The following CACNG2 variants were observed in gnomAD, a reference collection of about 807,000 sequenced individuals.
CACNG2 encodes the protein calcium voltage-gated channel auxiliary subunit gamma 2.
A neutral mutation model predicts 25.9 loss-of-function variants in CACNG2; 3 were observed. That is an observed-to-expected ratio of 0.12 (90% CI 0.05 to 0.30). The LOEUF (loss-of-function observed/expected upper bound fraction) is 0.30. Ranked by LOEUF, CACNG2 falls within the 10% of genes least tolerant of loss-of-function variation. The probability of loss-of-function intolerance (pLI) is 1.00; values close to 1 mark genes in which losing one functional copy is unlikely to be tolerated. For missense variants in CACNG2, 341 were observed against 432.5 expected, an observed-to-expected ratio of 0.79 and a Z score of 1.88; for synonymous variants, 167 against 173.3, an observed-to-expected ratio of 0.96 and a Z score of 0.29.
At chr22:36,638,601 G>A (rs1936395127) in intron 1 of CACNG2, among the ~76,000 whole-genome samples, 1 of 152,026 alleles carries the variant, frequency 6.6e-6, no homozygotes, top group Non-Finnish European at 1.5e-5. Context: ...AGAGTTCTTG[G>A]CCCCCTCTGT....
At position 36,636,080 on chromosome 22, in the gene CACNG2, G is replaced by A. The variant is rs118145942; in HGVS notation, c.212-48532C>T. On this transcript the variant is annotated intron_variant, in intron 1 of 3. Coordinates refer to ENST00000300105, the MANE Select transcript of CACNG2 (RefSeq NM_006078.5). ...CAAATCTGATCATTTCACTCCTGCC[G>A]TTTCTCACCCTCAAAACTCTTCAAT... Among the ~76,000 whole-genome samples the A allele has an allele frequency of 5.5e-3, 837 of 152,076 alleles. 13 individuals are homozygous for A. The highest frequency in any genetic ancestry group is 8.0e-3 in the Non-Finnish European group (545 of 68,018).
chr22:36,681,903 T>A (rs1190839928), intron 1 of CACNG2, among the ~76,000 whole-genome samples: 1 of 152,096 alleles, frequency 6.6e-6, no homozygotes, highest in African/African-American at 2.4e-5. Flanking sequence ...TGTAGATAAT[T>A]ACTCCCCCCA....
intron 1 of CACNG2, among the ~76,000 whole-genome samples, chr22:36,665,702 A>AAAAC (rs1353263667): frequency 6.6e-6 from 1 of 152,240 alleles, no homozygotes; most frequent in Non-Finnish European, 1.5e-5. Context: ...GGTAACTATC[A>AAAAC]AAGCAAACAA....
At chr22:36,699,194 C>T (rs1937378514) in intron 1 of CACNG2, among the ~76,000 whole-genome samples, 1 of 151,770 alleles carries the variant, frequency 6.6e-6, no homozygotes, top group Admixed American at 6.6e-5. Context: ...ACCCACGCTC[C>T]TCGAATCCCC....
intron 1 of CACNG2, among the ~76,000 whole-genome samples, chr22:36,589,825 GC>G (rs1025905504): frequency 1.3e-5 from 2 of 152,004 alleles, no homozygotes; most frequent in African/African-American, 4.8e-5. Context: ...ATCCAACCAT[GC>G]ACCCTTCTCT....
At chr22:36,684,794 G>A (rs1175731194) in intron 1 of CACNG2, among the ~76,000 whole-genome samples, 1 of 152,124 alleles carries the variant, frequency 6.6e-6, no homozygotes, top group East Asian at 1.9e-4. Flanking sequence ...TTTTGTGTGT[G>A]CATGTGGTGG....
At chr22:36,608,360 G>A (rs1172866988) in intron 1 of CACNG2, among the ~76,000 whole-genome samples, 1 of 152,140 alleles carries the variant, frequency 6.6e-6, no homozygotes, top group Admixed American at 6.5e-5. Flanking sequence ...GACATCTCTT[G>A]TATTGCTGTC....
chr22:36,646,513 T>C (rs917063234), intron 1 of CACNG2, among the ~76,000 whole-genome samples: 4 of 152,208 alleles, frequency 2.6e-5, no homozygotes, highest in Non-Finnish European at 5.9e-5. Context: ...CATTTGTTTT[T>C]TAAAATCCCA....
intron 1 of CACNG2, among the ~76,000 whole-genome samples, chr22:36,639,702 T>C (rs1936413631): frequency 6.6e-6 from 1 of 152,164 alleles, no homozygotes; most frequent in Non-Finnish European, 1.5e-5. Context: ...ATCTCAGTCA[T>C]CCATCAAATG....
chr22:36,672,204 T>A (rs1277624700), intron 1 of CACNG2, among the ~76,000 whole-genome samples: 1 of 152,060 alleles, frequency 6.6e-6, no homozygotes, highest in Non-Finnish European at 1.5e-5. Context: ...TTACCCAGGC[T>A]GGAGTGCAGA....
At chr22:36,679,525 C>T (rs929636464) in intron 1 of CACNG2, among the ~76,000 whole-genome samples, 1 of 152,154 alleles carries the variant, frequency 6.6e-6, no homozygotes, top group Non-Finnish European at 1.5e-5. Flanking sequence ...ATCAGTTATG[C>T]ATATGAAATC....
rs1937429786 is a variant in CACNG2, at chr22:36,702,887, C to T, written c.-311G>A. 1 of 257,966 alleles carries T rather than the reference C, an allele frequency of 3.9e-6. No individual in the cohort carries two copies. The highest frequency in any genetic ancestry group is 7.3e-6 in the Non-Finnish European group (1 of 137,348). The allele number at this position is 257,966 out of a possible 1,614,324, so 16.0% of individuals were successfully genotyped here. Reference sequence around the variant, plus strand: ...AAAAAATAAAAAGACACCCCCCACCCCCCCAAGTGAGATGCCTTAATCTCT... The same window carrying T: ...AAAAAATAAAAAGACACCCCCCACCTCCCCAAGTGAGATGCCTTAATCTCT... On this transcript the variant is annotated 5_prime_UTR_variant, in exon 1 of 4. Transcript: ENST00000300105.
At chr22:36,653,990 G>C (rs1262824379) in intron 1 of CACNG2, among the ~76,000 whole-genome samples, 1 of 148,214 alleles carries the variant, frequency 6.7e-6, no homozygotes, top group African/African-American at 2.5e-5. Context: ...CTCTGTGTGT[G>C]TGTGTGTGTG....
At chr22:36,626,327 G>A (rs918750877) in intron 1 of CACNG2, among the ~76,000 whole-genome samples, 2 of 152,136 alleles carry the variant, frequency 1.3e-5, no homozygotes, top group African/African-American at 4.8e-5. Flanking sequence ...TTAAATGTTC[G>A]ATCCAAGCTT....
At chr22:36,616,779 A>G (rs1936027543) in intron 1 of CACNG2, among the ~76,000 whole-genome samples, 1 of 152,210 alleles carries the variant, frequency 6.6e-6, no homozygotes, top group South Asian at 2.1e-4. Flanking sequence ...TATTCTTCAA[A>G]GCACAACTAA....
chr22:36,673,789 TACTTTACAGTTTATGAAGC>T (rs1478855628), intron 1 of CACNG2, among the ~76,000 whole-genome samples: 1 of 152,148 alleles, frequency 6.6e-6, no homozygotes, highest in Non-Finnish European at 1.5e-5. Context: ...GTTTACAAAG[TACTTTACAGTTTATGAAGC>T]ACTTTACAGT....
intron 1 of CACNG2, among the ~76,000 whole-genome samples, chr22:36,636,011 T>A (rs1329090959): frequency 4.6e-5 from 7 of 152,206 alleles, no homozygotes; most frequent in African/African-American, 1.7e-4. Context: ...GCAACTGGGC[T>A]TTTTCTGCAT....
intron 1 of CACNG2, among the ~76,000 whole-genome samples, chr22:36,666,419 A>ATTAAT (rs145984198): frequency 0.015 from 1,652 of 109,752 alleles, 13 homozygotes; most frequent in Non-Finnish European, 0.019. Flanking sequence ...AAATAAATAA[A>ATTAAT]TAAATAAATA....
At chr22:36,578,685 G>A (rs1935365049) in intron 2 of CACNG2, among the ~76,000 whole-genome samples, 1 of 152,196 alleles carries the variant, frequency 6.6e-6, no homozygotes, top group Non-Finnish European at 1.5e-5. Context: ...CTGAGGCCAG[G>A]AAGGGTGGCT....
Sources: gnomAD v4.1 joint callset for allele counts (sites outside exome capture counted in the v4.1 genomes callset) on GRCh38, gnomAD v4.1.1 for gene constraint, MANE v1.5 for transcripts, NCBI Gene and HGNC (gene_info 2026-07-23, HGNC 2026-07-21) for gene names.